Variants in SLCO5A1 observed in about 807,000 individuals in gnomAD.
SLCO5A1 encodes the protein solute carrier organic anion transporter family member 5A1.
A neutral mutation model predicts 65.1 loss-of-function variants in SLCO5A1; 39 were observed. The ratio of observed to expected loss-of-function variants is 0.60; its 90% CI spans 0.46 to 0.78. The LOEUF (loss-of-function observed/expected upper bound fraction) is 0.78, where lower values mean the gene tolerates loss of function less well. Ranked by LOEUF, SLCO5A1 falls within the 30% of genes least tolerant of loss-of-function variation. SLCO5A1 has a pLI of 0.00. For synonymous variants in SLCO5A1, 438 were observed against 415.7 expected (o/e 1.05, Z -0.65); for missense variants, 1,029 against 1,069.4 (o/e 0.96, Z 0.53).
At chr8:69,713,123 A>G (rs944943880) in intron 5 of SLCO5A1, among the ~76,000 whole-genome samples, 42 of 152,370 alleles carry the variant, frequency 2.8e-4, no homozygotes, top group Admixed American at 4.6e-4. Context: ...GAAACCTCTT[A>G]TCTGTTGTGA....
chr8:69,817,875 G>A (rs1202741826), intron 2 of SLCO5A1, among the ~76,000 whole-genome samples: 1 of 152,176 alleles, frequency 6.6e-6, no homozygotes, highest in Admixed American at 6.5e-5. Flanking sequence ...AAAAAGCAGA[G>A]CCAAATGTGT....
At chr8:69,734,395 G>A (rs1009572892) in intron 5 of SLCO5A1, among the ~76,000 whole-genome samples, 3 of 152,138 alleles carry the variant, frequency 2.0e-5, no homozygotes, top group African/African-American at 7.2e-5. Context: ...CTAGTTAAAA[G>A]CCATTGTCCA....
intron 9 of SLCO5A1, 83 bp from the exon 10 acceptor site, chr8:69,673,409 G>C: frequency 8.0e-7 from 1 of 1,243,604 alleles, no homozygotes; most frequent in Non-Finnish European, 1.1e-6. Flanking sequence ...CAAGGTACTT[G>C]TGTGCTCTAA....
intron 6 of SLCO5A1, among the ~76,000 whole-genome samples, chr8:69,697,650 T>C (rs115685475): frequency 6.6e-6 from 1 of 151,988 alleles, no homozygotes; most frequent in Non-Finnish European, 1.5e-5. Context: ...CATGACAAAA[T>C]CTGAGGGTAA....
At chr8:69,764,000 G>T (rs1335620944) in intron 2 of SLCO5A1, among the ~76,000 whole-genome samples, 1 of 152,146 alleles carries the variant, frequency 6.6e-6, no homozygotes. Context: ...CAGTAGCTGG[G>T]ATTACAGGCA....
chr8:69,740,800 A>G (rs908423975), intron 4 of SLCO5A1, among the ~76,000 whole-genome samples: 3 of 152,244 alleles, frequency 2.0e-5, no homozygotes, highest in African/African-American at 4.8e-5. Context: ...AGACAGCTTG[A>G]AGGATTCTCA....
At chr8:69,724,293 T>A (rs117745553) in intron 5 of SLCO5A1, among the ~76,000 whole-genome samples, 4 of 152,172 alleles carry the variant, frequency 2.6e-5, no homozygotes, top group African/African-American at 9.7e-5. Flanking sequence ...TGAATAATAA[T>A]ATCACTGAAC....
At chr8:69,674,306 G>A (rs933940469) in intron 9 of SLCO5A1, among the ~76,000 whole-genome samples, 4 of 152,148 alleles carry the variant, frequency 2.6e-5, no homozygotes, top group Non-Finnish European at 5.9e-5. Context: ...GCAATGGGAG[G>A]GAGGAGGGAG....
intron 2 of SLCO5A1, among the ~76,000 whole-genome samples, chr8:69,805,998 T>A (rs1819974780): frequency 6.6e-6 from 1 of 152,222 alleles, no homozygotes; most frequent in African/African-American, 2.4e-5. Flanking sequence ...AACAGGATCA[T>A]CTGGATGCTT....
At chr8:69,725,782 A>T (rs1816041734) in intron 5 of SLCO5A1, among the ~76,000 whole-genome samples, 1 of 152,198 alleles carries the variant, frequency 6.6e-6, no homozygotes, top group Admixed American at 6.5e-5. Flanking sequence ...CAAGGATAAG[A>T]TGCACTCAGT....
chr8:69,724,709 A>T (rs1288738762), intron 5 of SLCO5A1, among the ~76,000 whole-genome samples: 1 of 152,194 alleles, frequency 6.6e-6, no homozygotes, highest in African/African-American at 2.4e-5. Context: ...GCCTTGTGTT[A>T]ATAACTCTAT....
In SLCO5A1 at chr8:69,755,652, G is replaced by T; in HGVS notation, c.1041-11C>A. The T allele has an allele frequency of 6.2e-7, 1 of 1,602,048 alleles. No individual in the cohort carries two copies. Among genetic ancestry groups the T allele is most frequent in the South Asian group, 1.1e-5 (1 of 89,070 alleles). ...AGGAATCCACTCCACCTAAAAAATT[G>T]GAAAATGTGAATAGCATTTACGTCT... On this transcript the variant is annotated splice_polypyrimidine_tract_variant and intron_variant, in intron 3 of 9. Coordinates refer to ENST00000260126, the MANE Select transcript of SLCO5A1 (RefSeq NM_030958.3).
chr8:69,669,390 C>T lies in SLCO5A1; in HGVS notation c.*3479G>A, dbSNP rs1486655689. 4 of 152,106 alleles carry T rather than the reference C, an allele frequency of 2.6e-5. No individual in the cohort carries two copies. Among genetic ancestry groups the T allele is most frequent in the African/African-American group, 9.7e-5 (4 of 41,412 alleles). The allele number at this position is 152,106 out of a possible 1,614,324, so 9.4% of individuals were successfully genotyped here. The stretch of plus-strand genomic sequence containing the variant: ...TTTGTTAACCAAAAGCTATTGTATA[C>T]ATTGCGTAGTGTAAAAAATGAATAA... On this transcript the variant is annotated 3_prime_UTR_variant, in exon 10 of 10. Transcript: ENST00000260126.
At chr8:69,746,757 T>A (rs747899835) in intron 4 of SLCO5A1, among the ~76,000 whole-genome samples, 1 of 152,174 alleles carries the variant, frequency 6.6e-6, no homozygotes, top group Admixed American at 6.5e-5. Flanking sequence ...ATATTAATCA[T>A]GTTTATAAAT....
chr8:69,791,309 G>A (rs1415611897), intron 2 of SLCO5A1, among the ~76,000 whole-genome samples: 2 of 152,172 alleles, frequency 1.3e-5, no homozygotes. Context: ...CAGCATGATC[G>A]CTCTGCAGGG....
intron 2 of SLCO5A1, among the ~76,000 whole-genome samples, chr8:69,764,727 G>C (rs1817975069): frequency 6.6e-6 from 1 of 152,160 alleles, no homozygotes; most frequent in Non-Finnish European, 1.5e-5. Flanking sequence ...CAACACTTAT[G>C]TTTCCACCTC....
intron 2 of SLCO5A1, among the ~76,000 whole-genome samples, chr8:69,763,272 G>A (rs998205091): frequency 1.1e-4 from 16 of 151,516 alleles, no homozygotes; most frequent in Non-Finnish European, 1.8e-4. Flanking sequence ...TAACGCCATC[G>A]CGCTCCAGTC....
chr8:69,787,269 G>T (rs1049125305), intron 2 of SLCO5A1, among the ~76,000 whole-genome samples: 2 of 152,144 alleles, frequency 1.3e-5, no homozygotes, highest in Non-Finnish European at 2.9e-5. Context: ...TGATTTTCCC[G>T]CATTGGAAGT....
intron 5 of SLCO5A1, among the ~76,000 whole-genome samples, chr8:69,709,160 G>A (rs1815111712): frequency 1.3e-5 from 2 of 152,214 alleles, no homozygotes; most frequent in South Asian, 4.1e-4. Context: ...ATAAAAGGAA[G>A]AAGGGATATG....
Sources: gnomAD v4.1 joint callset for allele counts (sites outside exome capture counted in the v4.1 genomes callset) on GRCh38, gnomAD v4.1.1 for gene constraint, MANE v1.5 for transcripts, NCBI Gene and HGNC (gene_info 2026-07-23, HGNC 2026-07-21) for gene names.